The following CNGB1 variants were observed in gnomAD, a reference collection of about 807,000 sequenced individuals.
The protein encoded by CNGB1 is cyclic nucleotide-gated channel beta-1.
CNGB1 carries 126 observed loss-of-function variants against 151.7 expected under a neutral mutation model. The observed-to-expected ratio is 0.83, with a 90% CI of 0.72 to 0.96. The LOEUF (loss-of-function observed/expected upper bound fraction) is 0.96. CNGB1 is among the 40% of genes least tolerant of loss of function. The pLI is 0.00. For missense variants in CNGB1, 1,698 were observed against 1,627.0 expected, an observed-to-expected ratio of 1.04 and a Z score of -0.75; for synonymous variants, 623 against 635.1, an observed-to-expected ratio of 0.98 and a Z score of 0.29.
At chr16:57,968,871 A>G (rs1962464393) in intron 1 of CNGB1, among the ~76,000 whole-genome samples, 1 of 151,462 alleles carries the variant, frequency 6.6e-6, no homozygotes, top group Non-Finnish European at 1.5e-5. Flanking sequence ...TATTTAAAAA[A>G]AAAAAAAAAA....
chr16:57,918,661 T>A (rs1224201310), intron 20 of CNGB1, among the ~76,000 whole-genome samples: 1 of 152,186 alleles, frequency 6.6e-6, no homozygotes, highest in African/African-American at 2.4e-5. Flanking sequence ...AGTTTCCTCA[T>A]CTGTAAAATG....
Position 57,904,819 on chromosome 16 carries a change from G to A in CNGB1, c.2549C>T (p.Pro850Leu), listed in dbSNP as rs750924907. 2.5e-6 allele frequency: 4 copies of A among 1,614,040 alleles called. No homozygotes were observed. The highest frequency in any genetic ancestry group is 1.1e-5 in the South Asian group (1 of 91,090). ...VKTLITIGGL[P>L]DPKTLFEIVF... ...AATTTCAAAGAGTGTCTTGGGGTCA[G>A]GCAGCCCCCCGATGGTGATGAGGGT... The change falls in exon 26 of 33, where the codon CCT becomes CTT. Residue 850 changes from proline (P) to leucine (L), a missense_variant. Transcript: ENST00000251102.
chr16:57,889,900 G>C (rs1960038938), intron 31 of CNGB1, among the ~76,000 whole-genome samples: 1 of 152,168 alleles, frequency 6.6e-6, no homozygotes, highest in Admixed American at 6.5e-5. Flanking sequence ...TGAGATTATT[G>C]TGCCTCTGAC....
intron 4 of CNGB1, chr16:57,963,798 C>CT (rs758786285): frequency 1.7e-5 from 6 of 362,768 alleles, no homozygotes; most frequent in Non-Finnish European, 3.1e-5. Context: ...GCCCTGCCCT[C>CT]AAGGGGCTAA....
chr16:57,963,165 T>G, intron 4 of CNGB1, 101 bp from the exon 5 acceptor site: 1 of 899,970 alleles, frequency 1.1e-6, no homozygotes, highest in Non-Finnish European at 1.9e-6. Context: ...TGAGTGTCAC[T>G]GTCATCTGTA....
chr16:57,929,450 A>G (rs1388375385), intron 17 of CNGB1, among the ~76,000 whole-genome samples: 2 of 136,392 alleles, frequency 1.5e-5, no homozygotes, highest in Non-Finnish European at 3.1e-5. Context: ...AGAGAGAGAG[A>G]GAGGGAGAGA....
intron 24 of CNGB1, 39 bp from the exon 25 acceptor site, chr16:57,911,914 G>C (rs1489423591): frequency 6.2e-7 from 1 of 1,609,452 alleles, no homozygotes; most frequent in South Asian, 1.1e-5. Context: ...AGCGGCGGAA[G>C]GGGGAGGTGA....
At position 57,897,467 on chromosome 16, in the gene CNGB1, C is replaced by T; in HGVS notation, c.3172G>A (p.Asp1058Asn). The T allele has an allele frequency of 6.2e-7, 1 of 1,614,216 alleles. No individual in the cohort carries two copies. The highest frequency in any genetic ancestry group is 8.5e-7 in the Non-Finnish European group (1 of 1,180,044). The stretch of plus-strand genomic sequence containing the variant: ...AAAATCTCATTCAGGTCCTTCTTAT[C>T]CAGGATGAAGAGGTTGGTAAACCCG... ...AHGFTNLFIL[D>N]KKDLNEILVH... The change falls in exon 31 of 33, where the codon GAT becomes AAT. Residue 1058 changes from aspartate to asparagine, a missense_variant. Physicochemically the swap from Asp to Asn is conservative, Grantham distance 23 (BLOSUM62 1). Coordinates refer to ENST00000251102, the MANE Select transcript of CNGB1 (RefSeq NM_001297.5).
intron 25 of CNGB1, among the ~76,000 whole-genome samples, chr16:57,907,877 G>T (rs1265706622): frequency 4.6e-5 from 7 of 152,090 alleles, no homozygotes; most frequent in African/African-American, 1.7e-4. Context: ...TCTCCTGCCT[G>T]CCTGGGCTGC....
At position 57,958,491 on chromosome 16, in the gene CNGB1, G is replaced by T; in HGVS notation, c.762-6C>A. 1 of 1,613,610 alleles carries T rather than the reference G, an allele frequency of 6.2e-7. No homozygotes were observed. Among genetic ancestry groups the T allele is most frequent in the Non-Finnish European group, 8.5e-7 (1 of 1,179,636 alleles). On this transcript the variant is annotated splice_region_variant and splice_polypyrimidine_tract_variant and intron_variant, in intron 10 of 32. Coordinates refer to ENST00000251102, the MANE Select transcript of CNGB1 (RefSeq NM_001297.5). ...GCAGGACCCATGCCACCAGCCTGCA[G>T]GTGGGAGAGAGTGTGCGGTGTCCAG...
intron 12 of CNGB1, chr16:57,955,064 A>G: frequency 8.3e-6 from 11 of 1,320,278 alleles, no homozygotes; most frequent in Non-Finnish European, 1.1e-5. Flanking sequence ...CCTTTTCCAC[A>G]GCCCTCTGGG....
intron 12 of CNGB1, among the ~76,000 whole-genome samples, chr16:57,953,341 A>G (rs1962005855): frequency 6.6e-6 from 1 of 152,042 alleles, no homozygotes; most frequent in Non-Finnish European, 1.5e-5. Context: ...CTAAAAATAC[A>G]AAAATTAGCT....
chr16:57,955,960 G>A (rs993084713), intron 12 of CNGB1, among the ~76,000 whole-genome samples: 15 of 152,148 alleles, frequency 9.9e-5, no homozygotes, highest in African/African-American at 2.7e-4. Context: ...CATCTGTTAC[G>A]GCAGTCCTAG....
rs115088577 is a variant in CNGB1 at position 57,933,069 on chromosome 16, C to T, written c.1373-1191G>A. Among the ~76,000 whole-genome samples, 842 of 152,252 alleles carry T rather than the reference C, an allele frequency of 5.5e-3. 7 individuals are homozygous for T. Among genetic ancestry groups the T allele is most frequent in the African/African-American group, 0.019 (808 of 41,536 alleles). On this transcript the variant is annotated intron_variant, in intron 16 of 32. Coordinates refer to ENST00000251102, the MANE Select transcript of CNGB1 (RefSeq NM_001297.5). Reference sequence around the variant, plus strand: ...GCAGCCTCCCGAGTAGCTGGGACCACAGACGCACACCACCATGCTCGGCTA... The same window carrying T: ...GCAGCCTCCCGAGTAGCTGGGACCATAGACGCACACCACCATGCTCGGCTA...
chr16:57,884,594 G>T, intron 32 of CNGB1, 137 bp from the exon 33 acceptor site: 2 of 889,194 alleles, frequency 2.2e-6, no homozygotes, highest in Non-Finnish European at 3.6e-6. Flanking sequence ...AATCTAGTGG[G>T]TGGGGTGGAG....
rs193159781 is a variant in CNGB1, at chr16:57,942,198, A to G, written c.1122-1877T>C. On this transcript the variant is annotated intron_variant, in intron 14 of 32. Coordinates refer to ENST00000251102, the MANE Select transcript of CNGB1 (RefSeq NM_001297.5). ...CGCCTGGCCCACTCTCACCACTTCT[A>G]TTCAATGTACTATAAGAGGTCCTGG... Among the ~76,000 whole-genome samples the G allele has an allele frequency of 8.4e-4, 128 of 152,256 alleles. 1 individual carries two copies. The highest frequency in any genetic ancestry group is 2.9e-3 in the African/African-American group (120 of 41,548).
At position 57,911,799 on chromosome 16, in the gene CNGB1, G is replaced by A; in HGVS notation, c.2446C>T (p.Gln816Ter). 6.2e-7 allele frequency: 1 copy of A among 1,614,138 alleles called. No homozygotes were observed. The highest frequency in any genetic ancestry group is 8.5e-7 in the Non-Finnish European group (1 of 1,179,992). Reference sequence around the variant, plus strand: ...ACCCAGTGAGTGGAGCCGAGGCCCTGATAGGCCGATGCCCAGTAATAAAGA... The same window carrying A: ...ACCCAGTGAGTGGAGCCGAGGCCCTAATAGGCCGATGCCCAGTAATAAAGA... ...SCLYYWASAYQGLGSTHWVYD... is the reference protein window; with the variant it reads ...SCLYYWASAY Residue 816 changes from glutamine (Q) to a stop codon, truncating the protein, a stop_gained, in exon 25 of 33, where the codon CAG (glutamine) becomes TAG (stop). Transcript: ENST00000251102. LOFTEE classifies it high-confidence loss of function.
intron 4 of CNGB1, among the ~76,000 whole-genome samples, chr16:57,963,435 C>A (rs1412828571): frequency 6.6e-6 from 1 of 152,228 alleles, no homozygotes; most frequent in African/African-American, 2.4e-5. Flanking sequence ...CTTCCCTCTC[C>A]TCCTGCCTCC....
Position 57,960,922 on chromosome 16 carries a change from A to G in CNGB1, c.459-7T>C, listed in dbSNP as rs1273549516. The G allele has an allele frequency of 4.3e-6, 7 of 1,613,962 alleles. No individual in the cohort carries two copies. In the Admixed American group the frequency reaches 1.2e-4, roughly 27 times the overall value. On this transcript the variant is annotated splice_polypyrimidine_tract_variant and splice_region_variant and intron_variant, in intron 7 of 32. Transcript: ENST00000251102. ...AAGCAGCCGCAGCCCAGGCCTGCAGAGGGGCCAGTGATCAGCAGAGTGCCC... is the reference window on the plus strand; with the variant it reads ...AAGCAGCCGCAGCCCAGGCCTGCAGGGGGGCCAGTGATCAGCAGAGTGCCC...
Sources: gnomAD v4.1 joint callset for allele counts (sites outside exome capture counted in the v4.1 genomes callset) on GRCh38, gnomAD v4.1.1 for gene constraint, MANE v1.5 for transcripts, NCBI Gene and HGNC (gene_info 2026-07-23, HGNC 2026-07-21) for gene names.